The following CCDC191 variants were observed in gnomAD, a reference collection of about 807,000 sequenced individuals.
The protein encoded by CCDC191 is coiled-coil domain containing 191.
CCDC191 carries 99 observed loss-of-function variants against 114.0 expected under a neutral mutation model. The observed-to-expected ratio is 0.87, with a 90% CI of 0.74 to 1.03. The LOEUF is 1.03. CCDC191 is among the 50% of genes least tolerant of loss of function. The probability of loss-of-function intolerance (pLI) is 0.00; values close to 1 mark genes in which losing one functional copy is unlikely to be tolerated. For synonymous variants in CCDC191, 351 were observed against 376.0 expected, an observed-to-expected ratio of 0.93 and a Z score of 0.77; for missense variants, 973 against 1,087.0, an observed-to-expected ratio of 0.90 and a Z score of 1.47.
At chr3:113,992,250 G>A (rs568455370) in intron 13 of CCDC191, among the ~76,000 whole-genome samples, 18 of 152,166 alleles carry the variant, frequency 1.2e-4, no homozygotes, top group Non-Finnish European at 2.6e-4. Context: ...CACAGCCTGT[G>A]ATTCCTCCCA....
intron 6 of CCDC191, 54 bp downstream of exon 6, chr3:114,034,871 C>T: frequency 6.6e-7 from 1 of 1,506,538 alleles, no homozygotes; most frequent in Non-Finnish European, 9.1e-7. Flanking sequence ...CAGAGCATTT[C>T]TAAAATGACT....
chr3:114,018,937 C>A, intron 7 of CCDC191, 69 bp from the exon 8 acceptor site: 4 of 1,372,566 alleles, frequency 2.9e-6, no homozygotes, highest in South Asian at 1.3e-5. Flanking sequence ...ACACTGACAG[C>A]CCTCTCCTCA....
At chr3:114,006,617 T>TATATATATATATATATA (rs1482068610) in intron 9 of CCDC191, among the ~76,000 whole-genome samples, 1 of 118,466 alleles carries the variant, frequency 8.4e-6, no homozygotes, top group African/African-American at 3.5e-5. Context: ...TATATATATA[T>TATATATATATATATATA]AAATATATAT....
intron 6 of CCDC191, among the ~76,000 whole-genome samples, chr3:114,033,025 T>C (rs1472312274): frequency 6.6e-6 from 1 of 152,096 alleles, no homozygotes; most frequent in Non-Finnish European, 1.5e-5. Context: ...TATATATCTA[T>C]TTTAAAAGAA....
chr3:113,988,351 G>A (rs535237383), intron 13 of CCDC191, among the ~76,000 whole-genome samples: 49 of 152,014 alleles, frequency 3.2e-4, no homozygotes, highest in East Asian at 9.7e-4. Flanking sequence ...AAAATTAGCC[G>A]GGCATGGTGG....
chr3:113,988,424 C>T (rs527334342), intron 13 of CCDC191, among the ~76,000 whole-genome samples: 4 of 151,798 alleles, frequency 2.6e-5, no homozygotes, highest in South Asian at 4.2e-4. Flanking sequence ...GTCAGGAGTT[C>T]GAGACCAGCC....
At chr3:113,992,063 C>T (rs1273882947) in intron 13 of CCDC191, among the ~76,000 whole-genome samples, 1 of 152,112 alleles carries the variant, frequency 6.6e-6, no homozygotes, top group African/African-American at 2.4e-5. Flanking sequence ...ATCATATCCC[C>T]GCAGAAGCAC....
At chr3:113,967,245 C>T (rs1452334635) in intron 16 of CCDC191, among the ~76,000 whole-genome samples, 8 of 152,232 alleles carry the variant, frequency 5.3e-5, no homozygotes, top group African/African-American at 1.9e-4. Flanking sequence ...CTCCCATTCT[C>T]AGCCATTCAC....
chr3:113,975,869 T>C (rs748188999), intron 16 of CCDC191, among the ~76,000 whole-genome samples: 17 of 152,214 alleles, frequency 1.1e-4, no homozygotes, highest in Non-Finnish European at 1.8e-4. Flanking sequence ...CAAGTAGACA[T>C]TGGCTGAGAA....
chr3:114,020,381 G>C (rs865853698), intron 7 of CCDC191, among the ~76,000 whole-genome samples: 3 of 152,104 alleles, frequency 2.0e-5, no homozygotes, highest in South Asian at 4.1e-4. Flanking sequence ...TTCTTGTTTA[G>C]ACAAACTAAA....
At chr3:114,044,783 C>A (rs2076607575) in intron 3 of CCDC191, among the ~76,000 whole-genome samples, 1 of 152,044 alleles carries the variant, frequency 6.6e-6, no homozygotes, top group South Asian at 2.1e-4. Context: ...GAAGTGCCCC[C>A]CAAAAACAAA....
intron 6 of CCDC191, among the ~76,000 whole-genome samples, chr3:114,033,984 G>A (rs1033116368): frequency 6.6e-6 from 1 of 152,266 alleles, no homozygotes; most frequent in Non-Finnish European, 1.5e-5. Flanking sequence ...CTTCAGTCAT[G>A]CTGTTCCAAG....
chr3:114,005,488 T>C lies in CCDC191; in HGVS notation c.1868+20A>G, dbSNP rs545274277. 3.8e-6 allele frequency: 6 copies of C among 1,582,696 alleles called. No homozygotes were observed. The highest frequency in any genetic ancestry group is 4.3e-6 in the Non-Finnish European group (5 of 1,166,608). On this transcript the variant is annotated intron_variant, in intron 10 of 16. Transcript: ENST00000295878. ...AACCCCTTAAAATGAGTCCAGCGAG[T>C]TCTGATAGAACAGACATACTTCACA...
intron 16 of CCDC191, among the ~76,000 whole-genome samples, chr3:113,972,527 G>T (rs1940929686): frequency 6.6e-6 from 1 of 152,108 alleles, no homozygotes; most frequent in East Asian, 1.9e-4. Flanking sequence ...TCCATGTGCT[G>T]ATAAAAAGAA....
At position 114,005,692 on chromosome 3, in the gene CCDC191, G is replaced by T; in HGVS notation, c.1684C>A (p.Leu562Met). The T allele has an allele frequency of 6.2e-7, 1 of 1,614,124 alleles. No homozygotes were observed. The change falls in exon 10 of 17, where the codon CTG becomes ATG. Residue 562 changes from leucine to methionine, a missense_variant. By Grantham distance (15) the Leu-to-Met change is conservative. Transcript: ENST00000295878. Reference protein sequence around the residue: ...FHNRHVFQQQLIEKQKKKLQE... With the variant: ...FHNRHVFQQQMIEKQKKKLQE... ...AGTTTCTTCTTTTGCTTCTCAATCAGCTGTTGCTGGAAGACATGGCGGTTG... is the reference window on the plus strand; with the variant it reads ...AGTTTCTTCTTTTGCTTCTCAATCATCTGTTGCTGGAAGACATGGCGGTTG...
At chr3:114,023,609 G>A (rs1271968180) in intron 7 of CCDC191, among the ~76,000 whole-genome samples, 1 of 152,188 alleles carries the variant, frequency 6.6e-6, no homozygotes, top group Non-Finnish European at 1.5e-5. Context: ...ATGGGGAAAG[G>A]ATTCCCTATT....
At chr3:113,971,360 T>C (rs1481608193) in intron 16 of CCDC191, among the ~76,000 whole-genome samples, 1 of 152,246 alleles carries the variant, frequency 6.6e-6, no homozygotes, top group South Asian at 2.1e-4. Flanking sequence ...TGCATAAATG[T>C]CTTCTTTTGA....
intron 7 of CCDC191, among the ~76,000 whole-genome samples, chr3:114,020,707 G>C (rs920268709): frequency 6.6e-6 from 1 of 152,062 alleles, no homozygotes; most frequent in Non-Finnish European, 1.5e-5. Flanking sequence ...AAAATGTTCT[G>C]TGTCTGTTTA....
At chr3:113,974,246 G>A (rs1941098480) in intron 16 of CCDC191, among the ~76,000 whole-genome samples, 1 of 151,396 alleles carries the variant, frequency 6.6e-6, no homozygotes, top group East Asian at 1.9e-4. Flanking sequence ...TTTACATATT[G>A]CCTTCTCATT....
Sources: gnomAD v4.1 joint callset for allele counts (sites outside exome capture counted in the v4.1 genomes callset) on GRCh38, gnomAD v4.1.1 for gene constraint, MANE v1.5 for transcripts, NCBI Gene and HGNC (gene_info 2026-07-23, HGNC 2026-07-21) for gene names.